GALK2: variants seen among roughly 807,000 people sequenced by gnomAD.
The protein encoded by GALK2 is N-acetylgalactosamine kinase.
In GALK2, 36 loss-of-function variants were observed where a neutral mutation model predicts 52.4. The ratio of observed to expected loss-of-function variants is 0.69; its 90% CI spans 0.53 to 0.91. The LOEUF is 0.91. GALK2 is among the 40% of genes least tolerant of loss of function. GALK2 has a pLI of 0.00. For missense variants in GALK2, 579 were observed against 559.1 expected (o/e 1.04, Z -0.36); for synonymous variants, 176 against 199.1 (o/e 0.88, Z 0.98).
At chr15:49,333,471 G>A (rs1022316388), downstream of GALK2, among the ~76,000 whole-genome samples, 1 of 152,184 alleles carries the variant, frequency 6.6e-6, no homozygotes. Context: ...TCTCAGTGGT[G>A]AAAATTCTTG....
chr15:49,328,744 G>A lies in GALK2; in HGVS notation c.*585G>A, dbSNP rs1398616288. ...ACATTGTATAATTGAATTTGAATGT[G>A]AGATTTCTCCAGTTATCAAGAGACT... On this transcript the variant is annotated 3_prime_UTR_variant, in exon 10 of 10. Transcript: ENST00000560031. The A allele has an allele frequency of 2.0e-6, 3 of 1,496,376 alleles. No individual in the cohort carries two copies. Among genetic ancestry groups the A allele is most frequent in the South Asian group, 1.4e-5 (1 of 73,752 alleles). The allele number at this position is 1,496,376 out of a possible 1,614,324, so 92.7% of individuals were successfully genotyped here.
intron 3 of GALK2, among the ~76,000 whole-genome samples, chr15:49,361,727 G>A (rs2044276565): frequency 6.6e-6 from 1 of 151,904 alleles, no homozygotes; most frequent in African/African-American, 2.4e-5. Flanking sequence ...GTATCTTTCT[G>A]GTAGAAAGAT....
intron 2 of GALK2, among the ~76,000 whole-genome samples, chr15:49,204,301 T>TA (rs1191767360): frequency 6.6e-6 from 1 of 151,918 alleles, no homozygotes; most frequent in Non-Finnish European, 1.5e-5. Flanking sequence ...CTTTTATTTT[T>TA]TTTTTTGGCT....
chr15:49,342,681 C>T (rs945175626), intron 3 of GALK2, among the ~76,000 whole-genome samples: 3 of 152,072 alleles, frequency 2.0e-5, no homozygotes, highest in African/African-American at 4.8e-5. Flanking sequence ...CTTTGTCTTC[C>T]CTTTTAGAAC....
At chr15:49,265,321 T>C (rs7168633) in intron 5 of GALK2, among the ~76,000 whole-genome samples, 37,644 of 152,194 alleles carry the variant, frequency 0.25, 4,951 homozygotes, top group African/African-American at 0.31. Flanking sequence ...AGTTTGATCT[T>C]ATACTGCTGT....
At chr15:49,214,366 C>CT (rs370472330) in intron 2 of GALK2, among the ~76,000 whole-genome samples, 2 of 141,258 alleles carry the variant, frequency 1.4e-5, no homozygotes, top group African/African-American at 5.3e-5. Flanking sequence ...GAGTCTCACT[C>CT]TGTCACCCAG....
intron 5 of GALK2, among the ~76,000 whole-genome samples, chr15:49,269,691 A>T (rs933981761): frequency 6.6e-6 from 1 of 152,138 alleles, no homozygotes; most frequent in African/African-American, 2.4e-5. Context: ...CCCTCTCCCT[A>T]TGTGCATTTT....
chr15:49,225,611 T>C (rs77135107), intron 3 of GALK2, among the ~76,000 whole-genome samples: 3,370 of 152,246 alleles, frequency 0.022, 103 homozygotes, highest in South Asian at 0.077. Context: ...GCTAAAAAGG[T>C]TGGGGACTGC....
intron 9 of GALK2, among the ~76,000 whole-genome samples, chr15:49,322,961 A>T (rs917754663): frequency 1.5e-5 from 2 of 131,104 alleles, no homozygotes; most frequent in Non-Finnish European, 3.3e-5. Flanking sequence ...CATCTCAGGT[A>T]AAAAAAAAAA....
chr15:49,281,048 G>T (rs769500913), intron 5 of GALK2, among the ~76,000 whole-genome samples: 9 of 152,154 alleles, frequency 5.9e-5, no homozygotes, highest in Non-Finnish European at 1.0e-4. Flanking sequence ...TGTTGGCCAG[G>T]ATGGTCTTGA....
intron 8 of GALK2, among the ~76,000 whole-genome samples, chr15:49,314,940 G>A (rs2036281059): frequency 6.6e-6 from 1 of 152,252 alleles, no homozygotes; most frequent in Non-Finnish European, 1.5e-5. Context: ...GCCTGTCACA[G>A]GAGCCACATG....
At chr15:49,295,005 C>T (rs1016292195) in intron 8 of GALK2, among the ~76,000 whole-genome samples, 1 of 152,002 alleles carries the variant, frequency 6.6e-6, no homozygotes, top group Non-Finnish European at 1.5e-5. Context: ...TAAAAGGATG[C>T]CAATTAGGAA....
At chr15:49,290,966 G>GT (rs1567026803) in intron 7 of GALK2, among the ~76,000 whole-genome samples, 1 of 151,794 alleles carries the variant, frequency 6.6e-6, no homozygotes, top group Non-Finnish European at 1.5e-5. Flanking sequence ...GTTTTGTTTT[G>GT]TTTTTTTGAG....
chr15:49,280,923 G>A lies in GALK2; in HGVS notation c.505-1064G>A, dbSNP rs368850516. On this transcript the variant is annotated intron_variant, in intron 5 of 9. Coordinates refer to ENST00000560031, the MANE Select transcript of GALK2 (RefSeq NM_002044.4). ...GCAACCTCGGCTCACTGCAACCTCC[G>A]CTGCCCAGGTTCAAGAGACTCTCCT... 1.7e-3 allele frequency among the ~76,000 whole-genome samples: 266 copies of A among 152,144 alleles called. 1 individual carries two copies. Among genetic ancestry groups the A allele is most frequent in the African/African-American group, 6.2e-3 (258 of 41,514 alleles).
downstream of GALK2, among the ~76,000 whole-genome samples, chr15:49,336,369 G>A (rs952543579): frequency 6.6e-6 from 1 of 152,162 alleles, no homozygotes; most frequent in Non-Finnish European, 1.5e-5. Flanking sequence ...TCCCTTTGAA[G>A]TGGCAATTGG....
upstream of GALK2, among the ~76,000 whole-genome samples, chr15:49,168,424 A>G (rs1403283292): frequency 6.6e-6 from 1 of 152,182 alleles, no homozygotes; most frequent in Non-Finnish European, 1.5e-5. Context: ...CATCTGAATA[A>G]AAAATGATTC....
intron 3 of GALK2, among the ~76,000 whole-genome samples, chr15:49,340,666 C>T (rs2151221002): frequency 6.6e-6 from 1 of 152,192 alleles, no homozygotes; most frequent in Middle Eastern, 3.4e-3. Context: ...GATATAAGAA[C>T]TTTGTTGGAT....
intron 5 of GALK2, among the ~76,000 whole-genome samples, chr15:49,280,718 A>C (rs1258399745): frequency 6.6e-6 from 1 of 152,222 alleles, no homozygotes; most frequent in Non-Finnish European, 1.5e-5. Flanking sequence ...TAGATGAATG[A>C]ATGAATAGTA....
chr15:49,255,957 G>A (rs1049777766), intron 5 of GALK2, among the ~76,000 whole-genome samples: 2 of 152,056 alleles, frequency 1.3e-5, no homozygotes, highest in Non-Finnish European at 2.9e-5. Flanking sequence ...GAAACAAAAT[G>A]TACTAAGCTT....
Sources: allele counts gnomAD v4.1 joint callset (sites outside exome capture counted in the v4.1 genomes callset), GRCh38; gene constraint gnomAD v4.1.1; transcripts MANE v1.5; gene names NCBI Gene and HGNC (gene_info 2026-07-23, HGNC 2026-07-21).